TMEM132D: variants seen among roughly 807,000 people sequenced by gnomAD.
The protein encoded by TMEM132D is mature OL transmembrane protein.
Under a neutral mutation model 62.3 loss-of-function variants are expected in TMEM132D, and 21 were observed. The ratio of observed to expected loss-of-function variants is 0.34; its 90% CI spans 0.24 to 0.49. TMEM132D has a LOEUF of 0.49. Among genes scored for constraint, TMEM132D ranks in the 20% least tolerant of loss-of-function variants. The pLI is 0.99. For missense variants in TMEM132D, 1,346 were observed against 1,402.8 expected, an observed-to-expected ratio of 0.96 and a Z score of 0.65; for synonymous variants, 621 against 575.6, an observed-to-expected ratio of 1.08 and a Z score of -1.13.
intron 3 of TMEM132D, among the ~76,000 whole-genome samples, chr12:129,518,210 T>C (rs1477703789): frequency 6.6e-6 from 1 of 152,140 alleles, no homozygotes; most frequent in Non-Finnish European, 1.5e-5. Flanking sequence ...ATAAGAACAA[T>C]AGAAGAATCA....
At chr12:129,286,353 T>C (rs1457804733) in intron 4 of TMEM132D, among the ~76,000 whole-genome samples, 1 of 152,234 alleles carries the variant, frequency 6.6e-6, no homozygotes, top group Non-Finnish European at 1.5e-5. Flanking sequence ...CATCTTCTTA[T>C]AGTTCAGCTG....
intron 7 of TMEM132D, among the ~76,000 whole-genome samples, chr12:129,079,677 AC>A (rs762389759): frequency 1.3e-5 from 2 of 152,048 alleles, no homozygotes; most frequent in Non-Finnish European, 2.9e-5. Flanking sequence ...TTTTCCCAGG[AC>A]CCTTTGAGAC....
intron 7 of TMEM132D, among the ~76,000 whole-genome samples, chr12:129,081,348 GAGTGT>G (rs1265527470): frequency 6.6e-6 from 1 of 152,196 alleles, no homozygotes; most frequent in African/African-American, 2.4e-5. Context: ...ATCCAGGTTG[GAGTGT>G]AGTGGCACGA....
chr12:129,834,322 T>C (rs2137337231), intron 1 of TMEM132D, among the ~76,000 whole-genome samples: 1 of 152,232 alleles, frequency 6.6e-6, no homozygotes, highest in East Asian at 1.9e-4. Context: ...AATGGAGTTA[T>C]GGACAATTAG....
rs554084323 is a variant in TMEM132D at position 129,387,942 on chromosome 12, C to CA, written c.1116-50126dup. On this transcript the variant is annotated intron_variant, in intron 3 of 8. Transcript: ENST00000422113. Reference sequence around the variant, plus strand: ...ACAGCAACACCAATACTAACACCAACACCAATCCAGCACTGACAATAATAT... The same window carrying CA: ...ACAGCAACACCAATACTAACACCAACAACCAATCCAGCACTGACAATAATAT... 6.8e-5 allele frequency among the ~76,000 whole-genome samples: 6 copies of CA among 88,522 alleles called. 1 individual carries two copies. In the East Asian group the frequency reaches 1.7e-3, roughly 25 times the overall value. The allele number at this position is 88,522 out of a possible 152,430, so 58.1% of individuals were successfully genotyped here.
intron 3 of TMEM132D, among the ~76,000 whole-genome samples, chr12:129,487,039 G>C (rs1033476781): frequency 2.0e-5 from 3 of 151,826 alleles, no homozygotes; most frequent in Non-Finnish European, 2.9e-5. Flanking sequence ...TATGGGGGGG[G>C]GGGTTGTGGG....
intron 5 of TMEM132D, among the ~76,000 whole-genome samples, chr12:129,140,210 G>A (rs1267127199): frequency 1.6e-5 from 1 of 63,040 alleles, no homozygotes; most frequent in Non-Finnish European, 3.3e-5. Flanking sequence ...TTTAGGCGCT[G>A]TTACCACACA....
At chr12:129,409,828 G>C (rs1455510599) in intron 3 of TMEM132D, among the ~76,000 whole-genome samples, 6 of 152,186 alleles carry the variant, frequency 3.9e-5, no homozygotes, top group Non-Finnish European at 7.3e-5. Flanking sequence ...GCATAATCTT[G>C]CATGAGGAAG....
chr12:129,709,614 C>A (rs978308990), intron 1 of TMEM132D, among the ~76,000 whole-genome samples: 1 of 152,156 alleles, frequency 6.6e-6, no homozygotes, highest in African/African-American at 2.4e-5. Flanking sequence ...TTCCTCCTGA[C>A]GTCTTGGATT....
chr12:129,731,228 CACTG>C (rs1388992906), intron 1 of TMEM132D, among the ~76,000 whole-genome samples: 1 of 152,148 alleles, frequency 6.6e-6, no homozygotes, highest in African/African-American at 2.4e-5. Context: ...ACTCAGCACA[CACTG>C]ACTGAATATC....
chr12:129,437,664 C>A (rs1872822677), intron 3 of TMEM132D, among the ~76,000 whole-genome samples: 1 of 152,092 alleles, frequency 6.6e-6, no homozygotes, highest in Admixed American at 6.6e-5. Context: ...AGCTAAACAT[C>A]CCTATACCAT....
chr12:129,496,694 C>A (rs527875901), intron 3 of TMEM132D, among the ~76,000 whole-genome samples: 4 of 152,080 alleles, frequency 2.6e-5, no homozygotes, highest in Non-Finnish European at 4.4e-5. Flanking sequence ...AAGCAATGAG[C>A]CACCAGGAGA....
rs796626300 is a variant in TMEM132D at position 129,440,923 on chromosome 12, T to C, written c.1115+90136A>G. On this transcript the variant is annotated intron_variant, in intron 3 of 8. Transcript: ENST00000422113. ...AACCATGGAAACATCATGTGAAGTC[T>C]TGCTCATGTGGGTTTTTAGATCGGA... Among the ~76,000 whole-genome samples, 28 of 152,336 alleles carry C rather than the reference T, an allele frequency of 1.8e-4. 1 individual carries two copies. Among genetic ancestry groups the C allele is most frequent in the African/African-American group, 6.5e-4 (27 of 41,570 alleles).
At chr12:129,524,759 A>G (rs1357816367) in intron 3 of TMEM132D, among the ~76,000 whole-genome samples, 2 of 151,684 alleles carry the variant, frequency 1.3e-5, no homozygotes, top group African/African-American at 4.8e-5. Flanking sequence ...CCAGAAGGGT[A>G]TAAGAGTTCT....
At chr12:129,615,173 A>T (rs155717) in intron 2 of TMEM132D, among the ~76,000 whole-genome samples, 148,740 of 152,220 alleles carry the variant, frequency 0.98, 72,752 homozygotes, top group East Asian at 1. Context: ...TGGAAATGAT[A>T]CACTGAATTA....
At chr12:129,365,505 G>T (rs1206235666) in intron 3 of TMEM132D, among the ~76,000 whole-genome samples, 3 of 152,074 alleles carry the variant, frequency 2.0e-5, no homozygotes, top group Admixed American at 2.0e-4. Flanking sequence ...CTTGAAAGCA[G>T]TCAACGGGGT....
At chr12:129,560,594 T>C (rs1399131830) in intron 2 of TMEM132D, among the ~76,000 whole-genome samples, 3 of 152,168 alleles carry the variant, frequency 2.0e-5, no homozygotes, top group Admixed American at 1.3e-4. Context: ...GCTAGAGATA[T>C]ACAAGAAGAC....
chr12:129,761,809 A>G (rs1169750113), intron 1 of TMEM132D, among the ~76,000 whole-genome samples: 3 of 152,080 alleles, frequency 2.0e-5, no homozygotes, highest in Admixed American at 1.3e-4. Flanking sequence ...AGCTGCCTCC[A>G]CAAATCCCTA....
intron 3 of TMEM132D, among the ~76,000 whole-genome samples, chr12:129,430,797 C>T (rs187014017): frequency 2.6e-5 from 4 of 152,162 alleles, no homozygotes; most frequent in East Asian, 1.9e-4. Context: ...TAATTGCAGT[C>T]GATGGGATGG....
Sources: allele counts gnomAD v4.1 joint callset (sites outside exome capture counted in the v4.1 genomes callset), GRCh38; gene constraint gnomAD v4.1.1; transcripts MANE v1.5; gene names NCBI Gene and HGNC (gene_info 2026-07-23, HGNC 2026-07-21).